The following JAK1 variants were observed in gnomAD, a reference collection of about 807,000 sequenced individuals.
JAK1 encodes tyrosine-protein kinase JAK1.
A neutral mutation model predicts 136.6 loss-of-function variants in JAK1; 16 were observed. The ratio of observed to expected loss-of-function variants is 0.12; its 90% CI spans 0.08 to 0.18. The LOEUF (loss-of-function observed/expected upper bound fraction) is 0.18, where lower values mean the gene tolerates loss of function less well. Among genes scored for constraint, JAK1 ranks in the 10% least tolerant of loss-of-function variants. The pLI is 1.00. For missense variants in JAK1, 859 were observed against 1,450.1 expected, an observed-to-expected ratio of 0.59 and a Z score of 6.62; for synonymous variants, 492 against 519.5, an observed-to-expected ratio of 0.95 and a Z score of 0.72.
In JAK1 at chr1:64,864,913, G is replaced by A. The variant is rs369910049; in HGVS notation, c.1050C>T (p.His350=). ...KLKRKKLENK[H]KKDEEKNKIR... ...TCTTGTTTTTCTCCTCATCCTTCTT[G>A]TGTTTATTTTCCAGTTTTTTCCGCT... Residue 350 remains histidine, a synonymous_variant, in exon 8 of 25, where the codon CAC becomes CAT. Coordinates refer to ENST00000342505, the MANE Select transcript of JAK1 (RefSeq NM_002227.4). 1.1e-5 allele frequency: 17 copies of A among 1,613,596 alleles called. No individual in the cohort carries two copies. Among genetic ancestry groups the A allele is most frequent in the Non-Finnish European group, 1.4e-5 (16 of 1,179,796 alleles).
At chr1:64,964,292 T>C (rs1385680495) in intron 1 of JAK1, among the ~76,000 whole-genome samples, 1 of 152,206 alleles carries the variant, frequency 6.6e-6, no homozygotes, top group Non-Finnish European at 1.5e-5. Flanking sequence ...GGGATGTGTC[T>C]TTGAGGGGAA....
At chr1:64,940,320 CTTT>C (rs34933566) in intron 1 of JAK1, among the ~76,000 whole-genome samples, 3 of 140,386 alleles carry the variant, frequency 2.1e-5, no homozygotes, top group African/African-American at 2.6e-5. Flanking sequence ...ATTTCAATTT[CTTT>C]TTTTTTTTTT....
chr1:65,015,117 A>C (rs1368967997), intron 2 of JAK1, among the ~76,000 whole-genome samples: 1 of 152,240 alleles, frequency 6.6e-6, no homozygotes, highest in Non-Finnish European at 1.5e-5. Context: ...GGAATTCAGA[A>C]GGGTGTCATT....
intron 5 of JAK1, among the ~76,000 whole-genome samples, chr1:64,872,853 G>C (rs1657154638): frequency 6.6e-6 from 1 of 152,142 alleles, no homozygotes; most frequent in South Asian, 2.1e-4. Context: ...AAATCAGGAA[G>C]CATACTACTA....
intron 12 of JAK1, among the ~76,000 whole-genome samples, chr1:64,850,104 G>A (rs1228270351): frequency 1.3e-5 from 2 of 152,134 alleles, no homozygotes; most frequent in African/African-American, 2.4e-5. Flanking sequence ...GAGTGGCCCC[G>A]TGCTTGCTTC....
chr1:64,950,899 C>G (rs928963698), intron 1 of JAK1, among the ~76,000 whole-genome samples: 2 of 152,190 alleles, frequency 1.3e-5, no homozygotes, highest in African/African-American at 4.8e-5. Flanking sequence ...TTAGGCAAGT[C>G]ACTTAAACAC....
At chr1:64,892,743 G>A (rs567865670) in intron 1 of JAK1, among the ~76,000 whole-genome samples, 8 of 152,232 alleles carry the variant, frequency 5.3e-5, no homozygotes, top group Middle Eastern at 3.4e-3. Flanking sequence ...GGGAAGACTC[G>A]GCTAAGGCGT....
At chr1:64,968,243 T>C (rs1646415730), upstream of JAK1, among the ~76,000 whole-genome samples, 1 of 152,066 alleles carries the variant, frequency 6.6e-6, no homozygotes, top group Non-Finnish European at 1.5e-5. Context: ...TGGATTCAGT[T>C]TAGATCTGTT....
chr1:65,043,092 A>G (rs1040282641), intron 2 of JAK1, among the ~76,000 whole-genome samples: 3 of 152,230 alleles, frequency 2.0e-5, no homozygotes, highest in African/African-American at 7.2e-5. Context: ...CATGGAATCT[A>G]ATGTTTTTCA....
chr1:64,834,015 A>G lies in JAK1; in HGVS notation c.*547T>C. The G allele has an allele frequency of 4.3e-6, 1 of 232,922 alleles. No individual in the cohort carries two copies. Among genetic ancestry groups the G allele is most frequent in the Non-Finnish European group, 8.5e-6 (1 of 117,822 alleles). The allele number at this position is 232,922 out of a possible 1,614,324, so 14.4% of individuals were successfully genotyped here. ...TTAAGTCCTACTGGTGAGAGAATACAGTCATTTTTGTACAGAAACAATATA... is the reference window on the plus strand; with the variant it reads ...TTAAGTCCTACTGGTGAGAGAATACGGTCATTTTTGTACAGAAACAATATA... On this transcript the variant is annotated 3_prime_UTR_variant, in exon 25 of 25. Coordinates refer to ENST00000342505, the MANE Select transcript of JAK1 (RefSeq NM_002227.4).
At chr1:64,894,650 G>A (rs1476253012) in intron 1 of JAK1, among the ~76,000 whole-genome samples, 1 of 152,088 alleles carries the variant, frequency 6.6e-6, no homozygotes, top group Non-Finnish European at 1.5e-5. Flanking sequence ...GGTGGTGGGT[G>A]CCTGTAATCC....
At chr1:65,025,682 T>C (rs2100802538) in intron 2 of JAK1, among the ~76,000 whole-genome samples, 1 of 92,886 alleles carries the variant, frequency 1.1e-5, no homozygotes, top group Middle Eastern at 5.1e-3. Context: ...TCTTTCTTTT[T>C]TCTTTCCTTT....
chr1:64,933,452 A>C (rs977239697), intron 1 of JAK1, among the ~76,000 whole-genome samples: 2 of 152,136 alleles, frequency 1.3e-5, no homozygotes, highest in African/African-American at 2.4e-5. Context: ...GAAGTGACAA[A>C]ATTTCTGAGG....
intron 1 of JAK1, among the ~76,000 whole-genome samples, chr1:64,964,742 G>A (rs534271702): frequency 6.6e-6 from 1 of 152,170 alleles, no homozygotes; most frequent in Non-Finnish European, 1.5e-5. Flanking sequence ...GAATTAAGAA[G>A]AGGTTATGAT....
chr1:64,948,596 A>C (rs781292426), intron 1 of JAK1, among the ~76,000 whole-genome samples: 10 of 152,224 alleles, frequency 6.6e-5, no homozygotes, highest in Middle Eastern at 3.2e-3. Context: ...TATAACCACT[A>C]ATCAGCATGA....
At chr1:64,985,411 A>T in intron 2 of JAK1, 2 of 1,609,998 alleles carry the variant, frequency 1.2e-6, no homozygotes, top group Non-Finnish European at 8.5e-7. Flanking sequence ...GTGCCCCACA[A>T]CCACTGGAGG....
rs1646808448 is a variant in JAK1, at chr1:65,006,895, C to T, written c.-78+37585G>A. Among the ~76,000 whole-genome samples the T allele has an allele frequency of 1.3e-5, 2 of 152,102 alleles. 1 individual carries two copies. Among genetic ancestry groups the T allele is most frequent in the South Asian group, 4.1e-4 (2 of 4,824 alleles). ...TTTTGTCATCTGCCTTAAAAAGTTC[C>T]ATCTAAGATGATTAACATTTTTAAA... On this transcript the variant is annotated intron_variant, in intron 2 of 25. Transcript: ENST00000671954.
At chr1:64,970,761 C>CAAAA (rs397862455), upstream of JAK1, among the ~76,000 whole-genome samples, 13 of 91,220 alleles carry the variant, frequency 1.4e-4, 1 homozygote, top group Admixed American at 4.2e-4. Flanking sequence ...GACTCTGTCT[C>CAAAA]AAAAAAAAAA....
chr1:64,930,537 T>C (rs894156784), intron 1 of JAK1, among the ~76,000 whole-genome samples: 14 of 152,180 alleles, frequency 9.2e-5, no homozygotes, highest in Admixed American at 3.3e-4. Context: ...AGGAACACTT[T>C]ATGCTGTTGG....
Sources: allele counts gnomAD v4.1 joint callset (sites outside exome capture counted in the v4.1 genomes callset), GRCh38; gene constraint gnomAD v4.1.1; transcripts MANE v1.5; gene names NCBI Gene and HGNC (gene_info 2026-07-23, HGNC 2026-07-21).